CDKAL1: variants seen among roughly 807,000 people sequenced by gnomAD.
CDKAL1 encodes the protein threonylcarbamoyladenosine tRNA methylthiotransferase.
CDKAL1 carries 32 observed loss-of-function variants against 68.2 expected under a neutral mutation model. The observed-to-expected ratio is 0.47, with a 90% CI of 0.35 to 0.63. The LOEUF (loss-of-function observed/expected upper bound fraction) is 0.63. Ranked by LOEUF, CDKAL1 falls within the 30% of genes least tolerant of loss-of-function variation. The pLI is 0.00. For synonymous variants in CDKAL1, 234 were observed against 244.3 expected, an observed-to-expected ratio of 0.96 and a Z score of 0.39; for missense variants, 606 against 696.7, an observed-to-expected ratio of 0.87 and a Z score of 1.47.
intron 11 of CDKAL1, among the ~76,000 whole-genome samples, chr6:21,022,601 G>A (rs1768727019): frequency 2.0e-5 from 3 of 152,102 alleles, no homozygotes; most frequent in Admixed American, 2.0e-4. Context: ...TGCTCCTTTT[G>A]TGTGTGAGGA....
At chr6:20,536,100 T>A (rs982768168) in intron 2 of CDKAL1, among the ~76,000 whole-genome samples, 2 of 95,854 alleles carry the variant, frequency 2.1e-5, no homozygotes, top group Non-Finnish European at 3.9e-5. Flanking sequence ...GGCTAAATTT[T>A]ACTTTTTTTT....
chr6:20,990,848 C>T (rs947532504), intron 10 of CDKAL1, among the ~76,000 whole-genome samples: 1 of 152,188 alleles, frequency 6.6e-6, no homozygotes, highest in African/African-American at 2.4e-5. Flanking sequence ...TGGCATTGGT[C>T]TTTCGAACAT....
At chr6:20,601,739 A>G (rs1766106070) in intron 4 of CDKAL1, among the ~76,000 whole-genome samples, 1 of 152,168 alleles carries the variant, frequency 6.6e-6, no homozygotes, top group Non-Finnish European at 1.5e-5. Flanking sequence ...ATTTAACTCA[A>G]ATTTGTTTTA....
chr6:20,755,219 A>G (rs528028168), intron 6 of CDKAL1, among the ~76,000 whole-genome samples: 23 of 152,216 alleles, frequency 1.5e-4, no homozygotes, highest in Admixed American at 4.6e-4. Flanking sequence ...TCATGTCTGT[A>G]TTATCTTTGG....
chr6:20,780,745 C>T (rs1025801929), intron 7 of CDKAL1, among the ~76,000 whole-genome samples: 21 of 148,110 alleles, frequency 1.4e-4, no homozygotes, highest in Middle Eastern at 3.5e-3. Flanking sequence ...GCCATCTGGG[C>T]TCACTGCAAA....
intron 9 of CDKAL1, among the ~76,000 whole-genome samples, chr6:20,921,241 C>T (rs964119960): frequency 6.6e-6 from 1 of 152,090 alleles, no homozygotes; most frequent in African/African-American, 2.4e-5. Flanking sequence ...CCAACCTGGC[C>T]AACATGGTGT....
intron 4 of CDKAL1, among the ~76,000 whole-genome samples, chr6:20,616,885 C>CA (rs113585327): frequency 0.018 from 1,273 of 69,530 alleles, 26 homozygotes; most frequent in African/African-American, 0.059. Context: ...ACACACACTA[C>CA]AAAAATTAGC....
At chr6:20,953,154 T>A (rs1300911101) in intron 9 of CDKAL1, among the ~76,000 whole-genome samples, 1 of 152,206 alleles carries the variant, frequency 6.6e-6, no homozygotes, top group Non-Finnish European at 1.5e-5. Flanking sequence ...TTGTTCCTAT[T>A]GTTGCTGATT....
At chr6:20,982,482 C>T (rs1581959836) in intron 10 of CDKAL1, among the ~76,000 whole-genome samples, 2 of 152,018 alleles carry the variant, frequency 1.3e-5, no homozygotes, top group African/African-American at 2.4e-5. Flanking sequence ...ATGTAATTTA[C>T]AACACATTTG....
chr6:20,831,256 C>T (rs1460900381), intron 8 of CDKAL1, among the ~76,000 whole-genome samples: 1 of 152,124 alleles, frequency 6.6e-6, no homozygotes, highest in Admixed American at 6.6e-5. Flanking sequence ...TTTCTGCATC[C>T]TGCTGGTGGT....
In CDKAL1 at chr6:21,206,910, ATTTCT is replaced by A. The variant is rs942829639; in HGVS notation, c.1548+5640_1548+5644del. ...CAGTGGTTTCCTGGCTTTTATTTTGATTTCTTTTACTTTAATTTCTTTTTTTTTTC... is the reference window on the plus strand; with the variant it reads ...CAGTGGTTTCCTGGCTTTTATTTTGATTTACTTTAATTTCTTTTTTTTTTC... On this transcript the variant is annotated intron_variant, in intron 15 of 15. Transcript: ENST00000274695. Among the ~76,000 whole-genome samples, 6 of 148,414 alleles carry A rather than the reference ATTTCT, an allele frequency of 4.0e-5. No individual in the cohort carries two copies. The South Asian group carries it at 8.5e-4, about 21-fold the overall frequency.
rs1773353028 is a variant in CDKAL1, at chr6:20,739,562, G to A, written c.415G>A (p.Val139Ile). ...ENKKIVLAGC[V>I]PQAQPRQDYL... ...CAAGAAAATCGTACTGGCTGGATGC[G>A]TTCCTCAAGCCCAGCCTCGCCAGGA... Residue 139 changes from valine (V) to isoleucine (I), a missense_variant, in exon 6 of 16, where the codon GTT (valine) becomes ATT (isoleucine). Val to Ile is a conservative substitution (Grantham distance 29, BLOSUM62 3). Transcript: ENST00000274695. The A allele has an allele frequency of 1.9e-6, 3 of 1,613,320 alleles. No homozygotes were observed. The highest frequency in any genetic ancestry group is 2.5e-6 in the Non-Finnish European group (3 of 1,179,488).
intron 10 of CDKAL1, among the ~76,000 whole-genome samples, chr6:20,967,442 AAC>A (rs920566659): frequency 6.6e-6 from 1 of 152,166 alleles, no homozygotes; most frequent in African/African-American, 2.4e-5. Flanking sequence ...TCTAATTTAT[AAC>A]ACTCTTATTT....
intron 13 of CDKAL1, among the ~76,000 whole-genome samples, chr6:21,109,785 A>G (rs900140418): frequency 3.3e-5 from 5 of 152,246 alleles, no homozygotes; most frequent in African/African-American, 1.2e-4. Flanking sequence ...CTTAATGAAC[A>G]TAAGTGCAGC....
chr6:20,541,258 C>T (rs146982731), intron 2 of CDKAL1, among the ~76,000 whole-genome samples: 3 of 152,264 alleles, frequency 2.0e-5, no homozygotes, highest in Non-Finnish European at 4.4e-5. Flanking sequence ...GAACAGAATA[C>T]CCACCTCAAA....
intron 7 of CDKAL1, among the ~76,000 whole-genome samples, chr6:20,765,810 T>G (rs1047984725): frequency 6.6e-6 from 1 of 152,220 alleles, no homozygotes; most frequent in Non-Finnish European, 1.5e-5. Context: ...ATGTGTTGTC[T>G]TGTCTGTATT....
intron 4 of CDKAL1, among the ~76,000 whole-genome samples, chr6:20,640,702 T>C (rs765815656): frequency 2.0e-5 from 3 of 152,192 alleles, no homozygotes; most frequent in Non-Finnish European, 2.9e-5. Context: ...TTTTGATCAA[T>C]AGGCAAAGAG....
intron 4 of CDKAL1, among the ~76,000 whole-genome samples, chr6:20,613,268 TTTTTTTTTTTTTTTTTTTTTTTTTG>T (rs1766722398): frequency 1.7e-5 from 1 of 60,422 alleles, no homozygotes; most frequent in Non-Finnish European, 3.1e-5. Flanking sequence ...TTTTTTTTTT[TTTTTTTTTTTTTTTTTTTTTTTTTG>T]AGACGGAGTC....
At chr6:20,611,323 A>T (rs1029040102) in intron 4 of CDKAL1, among the ~76,000 whole-genome samples, 1 of 152,078 alleles carries the variant, frequency 6.6e-6, no homozygotes, top group Non-Finnish European at 1.5e-5. Flanking sequence ...ATTTCTGGCA[A>T]TCCTGTTATA....
Sources: gnomAD v4.1 joint callset for allele counts (sites outside exome capture counted in the v4.1 genomes callset) on GRCh38, gnomAD v4.1.1 for gene constraint, MANE v1.5 for transcripts, NCBI Gene and HGNC (gene_info 2026-07-23, HGNC 2026-07-21) for gene names.